The following ZC3H3 variants were observed in gnomAD, a reference collection of about 807,000 sequenced individuals.
ZC3H3 encodes the protein zinc finger CCCH domain-containing protein 3.
A neutral mutation model predicts 77.3 loss-of-function variants in ZC3H3; 36 were observed. The observed-to-expected ratio is 0.47, with a 90% CI of 0.36 to 0.61. The LOEUF (loss-of-function observed/expected upper bound fraction) is 0.61. Ranked by LOEUF, ZC3H3 falls within the 20% of genes least tolerant of loss-of-function variation. The probability of loss-of-function intolerance (pLI) is 0.00; values close to 1 mark genes in which losing one functional copy is unlikely to be tolerated. For missense variants in ZC3H3, 1,331 were observed against 1,312.2 expected (o/e 1.01, Z -0.22); for synonymous variants, 626 against 555.2 (o/e 1.13, Z -1.79).
rs1398443992 is a variant in ZC3H3, at chr8:143,460,055, TGG to T, written c.2307+5660_2307+5661del. On this transcript the variant is annotated intron_variant, in intron 9 of 11. Coordinates refer to ENST00000262577, the MANE Select transcript of ZC3H3 (RefSeq NM_015117.3). This position sits in a 1 kb window ranked among gnomAD's most constrained non-coding sequence, Gnocchi z 4.0. ...TGAGGTCACGAGTTTGAGACCAGCC[TGG>T]CCCCATGGTGTGACCCTGTCTCTAC... Among the ~76,000 whole-genome samples the T allele has an allele frequency of 3.7e-4, 56 of 151,988 alleles. No individual in the cohort carries two copies. The highest frequency in any genetic ancestry group is 1.3e-3 in the African/African-American group (53 of 41,342).
At chr8:143,486,545 C>T (rs1821058193) in intron 4 of ZC3H3, among the ~76,000 whole-genome samples, 1 of 152,220 alleles carries the variant, frequency 6.6e-6, no homozygotes, top group South Asian at 2.1e-4. Flanking sequence ...ACCCCATCCC[C>T]AAACGTAGTC....
intron 4 of ZC3H3, among the ~76,000 whole-genome samples, chr8:143,482,416 G>A (rs577221637): frequency 2.6e-5 from 4 of 152,294 alleles, no homozygotes; most frequent in South Asian, 2.1e-4. Context: ...TGTGTGTTGC[G>A]AGAACACACC....
At chr8:143,488,632 A>C (rs567018561) in intron 4 of ZC3H3, among the ~76,000 whole-genome samples, 1 of 152,262 alleles carries the variant, frequency 6.6e-6, no homozygotes, top group Non-Finnish European at 1.5e-5. Flanking sequence ...TGGGGTAGAC[A>C]TGAGTGGGAA....
At chr8:143,507,219 G>GC (rs1156356812) in intron 4 of ZC3H3, among the ~76,000 whole-genome samples, 1 of 152,228 alleles carries the variant, frequency 6.6e-6, no homozygotes, top group African/African-American at 2.4e-5. Flanking sequence ...TGCCGACAGA[G>GC]CCGCCCTCCC....
chr8:143,501,088 A>G (rs1242574675), intron 4 of ZC3H3, among the ~76,000 whole-genome samples: 1 of 149,872 alleles, frequency 6.7e-6, no homozygotes, highest in African/African-American at 2.5e-5. Context: ...AAGTTCTGGG[A>G]TTACAGGGGT....
At chr8:143,445,747 C>A (rs909749826) in intron 9 of ZC3H3, among the ~76,000 whole-genome samples, 40 of 152,018 alleles carry the variant, frequency 2.6e-4, no homozygotes, top group South Asian at 8.3e-4. Flanking sequence ...TGAAGAAATA[C>A]AGATGCCATC....
intron 4 of ZC3H3, among the ~76,000 whole-genome samples, chr8:143,488,462 A>C (rs1821105680): frequency 6.9e-6 from 1 of 144,038 alleles, no homozygotes; most frequent in African/African-American, 2.7e-5. Context: ...CCACGACCCC[A>C]TCACCACGAA....
chr8:143,519,907 G>A (rs939693491), intron 3 of ZC3H3, among the ~76,000 whole-genome samples: 12 of 152,278 alleles, frequency 7.9e-5, no homozygotes, highest in East Asian at 3.9e-4. Flanking sequence ...TGAGCCCGAC[G>A]GTGCCACAGG....
chr8:143,468,143 G>A (rs1820462805), intron 8 of ZC3H3, 66 bp downstream of exon 8: 33 of 1,562,342 alleles, frequency 2.1e-5, no homozygotes, highest in South Asian at 5.7e-5. Flanking sequence ...CCATCTGCCC[G>A]GAGGCCAGGT....
intron 4 of ZC3H3, among the ~76,000 whole-genome samples, chr8:143,477,159 C>T (rs757544944): frequency 2.6e-5 from 4 of 152,212 alleles, no homozygotes; most frequent in Admixed American, 1.3e-4. Context: ...TCTCAGCAGC[C>T]GGGGGCCTCC....
chr8:143,463,624 C>T (rs950157076), intron 9 of ZC3H3, among the ~76,000 whole-genome samples: 4 of 152,184 alleles, frequency 2.6e-5, no homozygotes, highest in Non-Finnish European at 5.9e-5. Context: ...CAGAGTCTCC[C>T]CCCAGCAAGA....
rs182722770 is a variant in ZC3H3, at chr8:143,460,561, A to G, written c.2307+5156T>C. Among the ~76,000 whole-genome samples, 363 of 152,292 alleles carry G rather than the reference A, an allele frequency of 2.4e-3. 2 individuals carry two copies. Among genetic ancestry groups the G allele is most frequent in the African/African-American group, 8.2e-3 (339 of 41,562 alleles). On this transcript the variant is annotated intron_variant, in intron 9 of 11. Coordinates refer to ENST00000262577, the MANE Select transcript of ZC3H3 (RefSeq NM_015117.3). This position sits in a 1 kb window ranked among gnomAD's most constrained non-coding sequence, Gnocchi z 4.0. The stretch of plus-strand genomic sequence containing the variant: ...CAGACTCCAGCAATTCCACTCCTCA[A>G]TATACACCCAAAGGAAGTGAAAGCG...
chr8:143,510,325 C>T (rs1184133864), intron 3 of ZC3H3, among the ~76,000 whole-genome samples: 2 of 152,226 alleles, frequency 1.3e-5, no homozygotes, highest in Non-Finnish European at 2.9e-5. Context: ...CCAAGCTGGG[C>T]TCCAGCCTGC....
At chr8:143,535,285 C>T (rs1244971399) in intron 3 of ZC3H3, among the ~76,000 whole-genome samples, 14 of 152,166 alleles carry the variant, frequency 9.2e-5, no homozygotes, top group Non-Finnish European at 2.1e-4. Flanking sequence ...GTGATCTTCC[C>T]ACCTTGGCCT....
rs35847504 is a variant in ZC3H3 at position 143,528,209 on chromosome 8, G to A, written c.1561+8048C>T. Among the ~76,000 whole-genome samples the A allele has an allele frequency of 8.4e-3, 1,286 of 152,308 alleles. 10 individuals carry two copies. Among genetic ancestry groups the A allele is most frequent in the African/African-American group, 0.029 (1,216 of 41,568 alleles). On this transcript the variant is annotated intron_variant, in intron 3 of 11. Coordinates refer to ENST00000262577, the MANE Select transcript of ZC3H3 (RefSeq NM_015117.3). ...GCGTGCTCCTGCCTCCTCGGGGGCC[G>A]CCACTCATCTCTGCGCAGGGCAGGG...
Position 143,539,113 on chromosome 8 carries a change from T to A in ZC3H3, c.254A>T (p.Asp85Val). The change falls in exon 2 of 12, where the codon GAC (aspartate) becomes GTC (valine). Residue 85 changes from aspartate to valine, a missense_variant. Coordinates refer to ENST00000262577, the MANE Select transcript of ZC3H3 (RefSeq NM_015117.3). ...CCGCACAGCATGGTCGGCAGGAGGG[T>A]CTGAGGGTCCCGGGGGCCGATTCAC... is the stretch of plus-strand genomic sequence containing the variant. Reference protein sequence around the residue: ...SLVNRPPGPSDPPADHAVRPL... With the variant: ...SLVNRPPGPSVPPADHAVRPL... 1 of 1,612,140 alleles carries A rather than the reference T, an allele frequency of 6.2e-7. No homozygotes were observed. The highest frequency in any genetic ancestry group is 8.5e-7 in the Non-Finnish European group (1 of 1,179,790).
chr8:143,540,222 T>G (rs1024106721), intron 1 of ZC3H3, among the ~76,000 whole-genome samples: 1 of 152,246 alleles, frequency 6.6e-6, no homozygotes, highest in African/African-American at 2.4e-5. Flanking sequence ...TAAAGCTTTT[T>G]TTTGTTTGGT....
chr8:143,513,726 C>T (rs1341678220), intron 3 of ZC3H3, among the ~76,000 whole-genome samples: 1 of 152,218 alleles, frequency 6.6e-6, no homozygotes, highest in African/African-American at 2.4e-5. Context: ...GCTCAGGCAA[C>T]AGCTCTCGCT....
At chr8:143,440,478 G>A (rs868438656) in intron 10 of ZC3H3, 115 bp from the exon 11 acceptor site, 15 of 1,436,332 alleles carry the variant, frequency 1.0e-5, no homozygotes, top group Non-Finnish European at 1.4e-5. Context: ...TGGTCTCAGG[G>A]CAGAGCTGGA....
Sources: allele counts gnomAD v4.1 joint callset (sites outside exome capture counted in the v4.1 genomes callset), GRCh38; gene constraint gnomAD v4.1.1; non-coding constraint Gnocchi (gnomAD v3.1); transcripts MANE v1.5; gene names NCBI Gene and HGNC (gene_info 2026-07-23, HGNC 2026-07-21).